The following GRID1 variants were observed in gnomAD, a reference collection of about 807,000 sequenced individuals.
The protein encoded by GRID1 is glutamate receptor ionotropic, delta-1.
Under a neutral mutation model 98.0 loss-of-function variants are expected in GRID1, and 28 were observed. The observed-to-expected ratio is 0.29, with a 90% CI of 0.21 to 0.39. The LOEUF (loss-of-function observed/expected upper bound fraction) is 0.39. Among genes scored for constraint, GRID1 ranks in the 10% least tolerant of loss-of-function variants. The probability of loss-of-function intolerance (pLI) is 1.00; values close to 1 mark genes in which losing one functional copy is unlikely to be tolerated. For synonymous variants in GRID1, 553 were observed against 538.5 expected, an observed-to-expected ratio of 1.03 and a Z score of -0.37; for missense variants, 1,111 against 1,340.5, an observed-to-expected ratio of 0.83 and a Z score of 2.67.
chr10:86,363,253 A>G (rs1008256256), intron 2 of GRID1, among the ~76,000 whole-genome samples: 2 of 152,222 alleles, frequency 1.3e-5, no homozygotes, highest in African/African-American at 4.8e-5. Flanking sequence ...GCCCCGGCGT[A>G]GGCCAGGATT....
intron 6 of GRID1, among the ~76,000 whole-genome samples, chr10:85,864,910 T>A (rs985866770): frequency 3.3e-5 from 5 of 152,164 alleles, no homozygotes; most frequent in African/African-American, 1.2e-4. Flanking sequence ...ACAGTTTACA[T>A]CATTTGCCTG....
Position 86,250,953 on chromosome 10 carries a change from T to C in GRID1, c.236-44305A>G, listed in dbSNP as rs182530969. ...AGAGATCAGATTGTTATTGTGTCTG[T>C]GTAGAAAGAAGTAGACATAGGAGAC... On this transcript the variant is annotated intron_variant, in intron 2 of 15. Coordinates refer to ENST00000327946, the MANE Select transcript of GRID1 (RefSeq NM_017551.3). 3.2e-3 allele frequency among the ~76,000 whole-genome samples: 482 copies of C among 152,344 alleles called. 1 individual carries two copies. The highest frequency in any genetic ancestry group is 0.01 in the African/African-American group (435 of 41,574).
At chr10:86,210,094 A>G (rs1397681305) in intron 2 of GRID1, among the ~76,000 whole-genome samples, 7 of 152,030 alleles carry the variant, frequency 4.6e-5, no homozygotes, top group Non-Finnish European at 7.4e-5. Flanking sequence ...ACTCAACTGG[A>G]GGAGAGAGAA....
At chr10:86,186,542 G>T (rs1339704937) in intron 3 of GRID1, among the ~76,000 whole-genome samples, 2 of 151,732 alleles carry the variant, frequency 1.3e-5, no homozygotes, top group Admixed American at 1.3e-4. Context: ...GGACAATGGG[G>T]CTTCAAGCTT....
At chr10:86,329,519 G>T (rs1278041382) in intron 2 of GRID1, among the ~76,000 whole-genome samples, 1 of 152,196 alleles carries the variant, frequency 6.6e-6, no homozygotes, top group Non-Finnish European at 1.5e-5. Flanking sequence ...CTGGTGAAAG[G>T]ATAGGGGTGG....
rs547479377 is a variant in GRID1 at position 85,705,458 on chromosome 10, A to G, written c.1997+17545T>C. 3.3e-5 allele frequency among the ~76,000 whole-genome samples: 5 copies of G among 152,324 alleles called. No individual in the cohort carries two copies. The South Asian group carries it at 1.0e-3, about 32-fold the overall frequency. On this transcript the variant is annotated intron_variant, in intron 12 of 15. Transcript: ENST00000327946. ...CAATAACAGCCTCTGAAATTGAGGC[A>G]ATAATTAATAGCTTACCAACCAAAA...
At chr10:86,033,883 AG>A (rs1843219589) in intron 4 of GRID1, among the ~76,000 whole-genome samples, 2 of 152,254 alleles carry the variant, frequency 1.3e-5, no homozygotes, top group Admixed American at 6.5e-5. Flanking sequence ...TTAAGGAAAA[AG>A]AAGGATGCCA....
Position 86,000,403 on chromosome 10 carries a change from A to G in GRID1, c.727-84164T>C, listed in dbSNP as rs115674871. On this transcript the variant is annotated intron_variant, in intron 4 of 15. Transcript: ENST00000327946. ...GGTCTATAGGTAACAAAATCCCAAG[A>G]GGATTTTTCATAATATGGACAAGCC... Among the ~76,000 whole-genome samples, 592 of 152,318 alleles carry G rather than the reference A, an allele frequency of 3.9e-3. 3 individuals are homozygous for G. The highest frequency in any genetic ancestry group is 0.013 in the African/African-American group (557 of 41,570).
chr10:86,270,594 G>A (rs758392565), intron 2 of GRID1, among the ~76,000 whole-genome samples: 9 of 152,170 alleles, frequency 5.9e-5, no homozygotes, highest in Admixed American at 2.6e-4. Flanking sequence ...GGAGGCTGAC[G>A]TAGGAGAACT....
rs935040425 is a variant in GRID1, at chr10:85,684,163, A to T, written c.1998-36766T>A. 5.9e-5 allele frequency among the ~76,000 whole-genome samples: 9 copies of T among 152,352 alleles called. No homozygotes were observed. The South Asian group carries it at 1.9e-3, about 32-fold the overall frequency. On this transcript the variant is annotated intron_variant, in intron 12 of 15. Coordinates refer to ENST00000327946, the MANE Select transcript of GRID1 (RefSeq NM_017551.3). Reference sequence around the variant, plus strand: ...CCTAAACTATAATGGACTATGAAGCAAGTCAGAATTAATTGTGTTAAGATA... The same window carrying T: ...CCTAAACTATAATGGACTATGAAGCTAGTCAGAATTAATTGTGTTAAGATA...
intron 8 of GRID1, among the ~76,000 whole-genome samples, chr10:85,803,657 G>T (rs1459076010): frequency 6.6e-6 from 1 of 151,800 alleles, no homozygotes; most frequent in Non-Finnish European, 1.5e-5. Context: ...TAACCAATTG[G>T]TCAAAAAACT....
At chr10:86,332,049 G>C (rs1425719527) in intron 2 of GRID1, among the ~76,000 whole-genome samples, 3 of 152,202 alleles carry the variant, frequency 2.0e-5, no homozygotes, top group Admixed American at 6.5e-5. Context: ...CAACACCACA[G>C]CACCTGCCAA....
chr10:85,629,942 G>A (rs1842957046), intron 13 of GRID1, among the ~76,000 whole-genome samples: 1 of 152,072 alleles, frequency 6.6e-6, no homozygotes, highest in Non-Finnish European at 1.5e-5. Flanking sequence ...GGTCTAATTA[G>A]CATTTCTCTG....
intron 5 of GRID1, among the ~76,000 whole-genome samples, chr10:85,892,162 T>C (rs1841210345): frequency 1.4e-5 from 2 of 148,142 alleles, no homozygotes; most frequent in Admixed American, 6.8e-5. Flanking sequence ...TCGATGAACT[T>C]GAAAGTATGG....
intron 1 of GRID1, 69 bp from the exon 2 acceptor site, chr10:86,364,165 G>T: frequency 7.4e-7 from 1 of 1,355,528 alleles, no homozygotes; most frequent in Non-Finnish European, 1.0e-6. Context: ...TGGCCCGAGG[G>T]TCAAGGCACT....
chr10:85,977,461 A>C (rs760089702), intron 4 of GRID1, among the ~76,000 whole-genome samples: 12 of 151,976 alleles, frequency 7.9e-5, no homozygotes, highest in Non-Finnish European at 1.5e-4. Flanking sequence ...ACACAAATAC[A>C]CCTCTGATCT....
chr10:86,262,885 G>T (rs1847039136), intron 2 of GRID1, among the ~76,000 whole-genome samples: 1 of 152,072 alleles, frequency 6.6e-6, no homozygotes, highest in Admixed American at 6.5e-5. Context: ...CCCTGAGCCC[G>T]CCCCCGCAGG....
chr10:85,865,520 G>T (rs1383107941), intron 6 of GRID1, among the ~76,000 whole-genome samples: 1 of 152,034 alleles, frequency 6.6e-6, no homozygotes, highest in African/African-American at 2.4e-5. Flanking sequence ...GCCATTTGGT[G>T]GGGGGGAAGA....
chr10:85,853,495 G>A (rs1181191888), intron 8 of GRID1, among the ~76,000 whole-genome samples: 4 of 152,196 alleles, frequency 2.6e-5, no homozygotes, highest in Non-Finnish European at 5.9e-5. Context: ...CTGTGCCTGA[G>A]TACATGCCAA....
Sources: gnomAD v4.1 joint callset for allele counts (sites outside exome capture counted in the v4.1 genomes callset) on GRCh38, gnomAD v4.1.1 for gene constraint, MANE v1.5 for transcripts, NCBI Gene and HGNC (gene_info 2026-07-23, HGNC 2026-07-21) for gene names.